The following FOXN1 variants were observed in gnomAD, a reference collection of about 807,000 sequenced individuals.
The protein encoded by FOXN1 is forkhead box protein N1.
FOXN1 carries 15 observed loss-of-function variants against 49.0 expected under a neutral mutation model. The ratio of observed to expected loss-of-function variants is 0.31; its 90% CI spans 0.20 to 0.47. FOXN1 has a LOEUF of 0.47. FOXN1 is among the 20% of genes least tolerant of loss of function. FOXN1 has a pLI of 1.00. For missense variants in FOXN1, 800 were observed against 842.8 expected, an observed-to-expected ratio of 0.95 and a Z score of 0.63; for synonymous variants, 356 against 369.0, an observed-to-expected ratio of 0.96 and a Z score of 0.40.
intron 1 of FOXN1, among the ~76,000 whole-genome samples, chr17:28,521,947 G>A (rs1311018410): frequency 6.6e-6 from 1 of 152,222 alleles, no homozygotes; most frequent in Non-Finnish European, 1.5e-5. Context: ...CTGGCTTGAG[G>A]GGGTCTTGGG....
At chr17:28,508,148 G>C (rs554077836) in intron 1 of FOXN1, among the ~76,000 whole-genome samples, 1 of 152,346 alleles carries the variant, frequency 6.6e-6, no homozygotes, top group South Asian at 2.1e-4. Flanking sequence ...GGGAATGCCA[G>C]GGAGTTCTCA....
At chr17:28,512,572 C>G (rs1330385791) in intron 1 of FOXN1, among the ~76,000 whole-genome samples, 5 of 152,216 alleles carry the variant, frequency 3.3e-5, no homozygotes, top group African/African-American at 4.8e-5. Flanking sequence ...AGTTTGAGAC[C>G]AGCCTGGGCA....
At chr17:28,531,863 T>C (rs1015969832) in intron 6 of FOXN1, among the ~76,000 whole-genome samples, 1 of 152,182 alleles carries the variant, frequency 6.6e-6, no homozygotes, top group Non-Finnish European at 1.5e-5. Flanking sequence ...TTTATCCTGC[T>C]GGGCTGCCAT....
Position 28,538,287 on chromosome 17 carries a change from A to G in FOXN1, c.*851A>G, listed in dbSNP as rs2070120482. ...GAAGGGCCCCCTCCAGGTCACCACA[A>G]TCTCACTCCTCCTCCAGAAAGAAAA... is the stretch of plus-strand genomic sequence containing the variant. On this transcript the variant is annotated 3_prime_UTR_variant, in exon 9 of 9. Transcript: ENST00000579795. 1 of 152,054 alleles carries G rather than the reference A, an allele frequency of 6.6e-6. No individual in the cohort carries two copies. The highest frequency in any genetic ancestry group is 1.5e-5 in the Non-Finnish European group (1 of 68,012). The allele number at this position is 152,054 out of a possible 1,614,324, so 9.4% of individuals were successfully genotyped here. A position where few individuals can be genotyped will look rare whatever the true frequency, so the allele number is the denominator to read the frequency against.
At chr17:28,516,243 G>T (rs1390178243) in intron 1 of FOXN1, among the ~76,000 whole-genome samples, 2 of 149,406 alleles carry the variant, frequency 1.3e-5, no homozygotes, top group African/African-American at 5.0e-5. Context: ...ATCTCCAGAG[G>T]ATACACATCT....
Position 28,534,600 on chromosome 17 carries a change from AAG to A in FOXN1, c.1135+68_1135+69del, listed in dbSNP as rs2070005415. On this transcript the variant is annotated intron_variant, in intron 7 of 8. Transcript: ENST00000579795. The surrounding 1 kb of genome is among the most constrained non-coding windows in gnomAD (Gnocchi z 4.1). The stretch of plus-strand genomic sequence containing the variant: ...GTACTCATGAGCCAAAAAAAAAAAA[AAG>A]AGAGAATCAGAGAATGAGGCAAGGC... 8 of 1,579,668 alleles carry A rather than the reference AAG, an allele frequency of 5.1e-6. No individual in the cohort carries two copies. In the East Asian group the frequency reaches 9.0e-5, roughly 18 times the overall value.
In FOXN1 at chr17:28,534,031, G is replaced by A. The variant is rs951582889; in HGVS notation, c.928-300G>A. The stretch of plus-strand genomic sequence containing the variant: ...TTGTGGGTCAGAAGGCCTCTGTAGC[G>A]CCCACCAGCCCTGGCTTTCCGAATC... On this transcript the variant is annotated intron_variant, in intron 6 of 8. Transcript: ENST00000579795. This position sits in a 1 kb window ranked among gnomAD's most constrained non-coding sequence, Gnocchi z 4.1. 8.5e-5 allele frequency among the ~76,000 whole-genome samples: 13 copies of A among 152,176 alleles called. No individual in the cohort carries two copies. In the East Asian group the frequency reaches 2.3e-3, roughly 27 times the overall value.
rs1396771589 is a variant in FOXN1, at chr17:28,527,395, G to A, written c.699+34G>A. The A allele has an allele frequency of 4.1e-6, 5 of 1,220,072 alleles. No homozygotes were observed. In the African/African-American group the frequency reaches 6.0e-5, roughly 15 times the overall value. The allele number at this position is 1,220,072 out of a possible 1,614,324, so 75.6% of individuals were successfully genotyped here. A position where few individuals can be genotyped will look rare whatever the true frequency, so the allele number is the denominator to read the frequency against. ...GGGGCAAGTGGGCCTGCTTCCCCCA[G>A]GTCTGAGGATATCGTGTGTGTGTAT... On this transcript the variant is annotated intron_variant, in intron 4 of 8. Transcript: ENST00000579795.
intron 1 of FOXN1, 95 bp from the exon 2 acceptor site, chr17:28,523,861 C>A: frequency 8.9e-7 from 1 of 1,129,834 alleles, no homozygotes; most frequent in Non-Finnish European, 1.3e-6. Flanking sequence ...GGCAGGGTCC[C>A]AGCCCAAGGA....
chr17:28,525,496 T>TA, intron 3 of FOXN1, among the ~76,000 whole-genome samples: 1 of 152,306 alleles, frequency 6.6e-6, no homozygotes, highest in South Asian at 2.1e-4. Flanking sequence ...TGTCCTTCCA[T>TA]AGCCTGACCT....
chr17:28,528,984 G>A, intron 4 of FOXN1, 110 bp from the exon 5 acceptor site: 1 of 1,428,296 alleles, frequency 7.0e-7, no homozygotes, highest in Non-Finnish European at 9.8e-7. Context: ...GACCCAGGAG[G>A]GAAGAATCTG....
chr17:28,534,362 G>T lies in FOXN1; in HGVS notation c.959G>T (p.Arg320Leu). Residue 320 changes from arginine (R) to leucine (L), a missense_variant, in exon 7 of 9, where the codon CGG becomes CTG. Physicochemically the swap from Arg to Leu is moderately radical, Grantham distance 102. Transcript: ENST00000579795. This position sits in a 1 kb window ranked among gnomAD's most constrained non-coding sequence, Gnocchi z 4.1. ...TAPDGWKNSV[R>L]HNLSLNKCFE... is the part of the protein sequence containing the mutation. ...CCCGATGGCTGGAAGAATTCTGTCCGGCACAACCTATCCCTCAACAAGTGC... is the reference window on the plus strand; with the variant it reads ...CCCGATGGCTGGAAGAATTCTGTCCTGCACAACCTATCCCTCAACAAGTGC... The T allele has an allele frequency of 6.2e-7, 1 of 1,614,116 alleles. No homozygotes were observed. Among genetic ancestry groups the T allele is most frequent in the South Asian group, 1.1e-5 (1 of 91,076 alleles).
rs150852090 is a variant in FOXN1 at position 28,537,737 on chromosome 17, G to A, written c.*301G>A. The A allele has an allele frequency of 2.5e-4, 132 of 519,242 alleles. No individual in the cohort carries two copies. Among genetic ancestry groups the A allele is most frequent in the African/African-American group, 1.9e-3 (97 of 52,300 alleles). 32.2% of individuals were successfully genotyped at this position (519,242 alleles called of 1,614,324 possible). On this transcript the variant is annotated 3_prime_UTR_variant, in exon 9 of 9. Transcript: ENST00000579795. Reference sequence around the variant, plus strand: ...CACACTCATCCACACTTAAGCCCTCGTGCACACACACAAATTATTCAGATG... The same window carrying A: ...CACACTCATCCACACTTAAGCCCTCATGCACACACACAAATTATTCAGATG...
chr17:28,530,178 T>C (rs1357185359), intron 5 of FOXN1, among the ~76,000 whole-genome samples: 1 of 151,796 alleles, frequency 6.6e-6, no homozygotes, highest in Non-Finnish European at 1.5e-5. Flanking sequence ...GAACTTAAAG[T>C]ATAATAAAAA....
At position 28,536,905 on chromosome 17, in the gene FOXN1, C is replaced by T. The variant is rs624196; in HGVS notation, c.1628-212C>T. Among the ~76,000 whole-genome samples the T allele has an allele frequency of 0.32, 48,903 of 151,752 alleles. 8,318 individuals are homozygous for T. Among genetic ancestry groups the T allele is most frequent in the African/African-American group, 0.41 (16,959 of 41,332 alleles). ...GAACCACAGAGGTCATCTAGATCGA[C>T]GGCTTTCAGATTGTGCTACACGGGA... On this transcript the variant is annotated intron_variant, in intron 8 of 8. Coordinates refer to ENST00000579795, the MANE Select transcript of FOXN1 (RefSeq NM_001369369.1).
rs1329599163 is a variant in FOXN1 at position 28,538,013 on chromosome 17, AAGG to A, written c.*583_*585del. ...ATCTTCATCCCAACAGCCCAGCAAGAAGGAGGAGACAGAGAGCTCCTCCCTGGG... is the reference window on the plus strand; with the variant it reads ...ATCTTCATCCCAACAGCCCAGCAAGAAGGAGACAGAGAGCTCCTCCCTGGG... On this transcript the variant is annotated 3_prime_UTR_variant, in exon 9 of 9. Coordinates refer to ENST00000579795, the MANE Select transcript of FOXN1 (RefSeq NM_001369369.1). 6.1e-6 allele frequency: 1 copy of A among 163,024 alleles called. No individual in the cohort carries two copies. Among genetic ancestry groups the A allele is most frequent in the Non-Finnish European group, 1.4e-5 (1 of 74,068 alleles). The allele number at this position is 163,024 out of a possible 1,614,324, so 10.1% of individuals were successfully genotyped here.
chr17:28,525,026 T>A, intron 3 of FOXN1, 59 bp downstream of exon 3: 1 of 1,350,838 alleles, frequency 7.4e-7, no homozygotes. Context: ...CCTAGCAGCC[T>A]AGAAAGAGTC....
chr17:28,522,150 C>T (rs533004017), intron 1 of FOXN1, among the ~76,000 whole-genome samples: 6 of 152,338 alleles, frequency 3.9e-5, no homozygotes, highest in African/African-American at 1.4e-4. Context: ...GCATCCTCAT[C>T]TGGAAGGTGG....
In FOXN1 at chr17:28,527,325, G is replaced by A; in HGVS notation, c.663G>A (p.Gln221=). 1 of 1,613,614 alleles carries A rather than the reference G, an allele frequency of 6.2e-7. No individual in the cohort carries two copies. Among genetic ancestry groups the A allele is most frequent in the Non-Finnish European group, 8.5e-7 (1 of 1,179,632 alleles). The part of the protein sequence containing the change: ...AGMFCYQPPL[Q]HMYCSSQPPF... ...TGTTCTGCTACCAGCCTCCCTTGCA[G>A]CATATGTACTGCTCCTCCCAGCCCC... The change falls in exon 4 of 9, where the codon CAG becomes CAA. Residue 221 remains glutamine, a synonymous_variant. Coordinates refer to ENST00000579795, the MANE Select transcript of FOXN1 (RefSeq NM_001369369.1).
Sources: allele counts gnomAD v4.1 joint callset (sites outside exome capture counted in the v4.1 genomes callset), GRCh38; gene constraint gnomAD v4.1.1; non-coding constraint Gnocchi (gnomAD v3.1); transcripts MANE v1.5; gene names NCBI Gene and HGNC (gene_info 2026-07-23, HGNC 2026-07-21).